The following GLYATL1 variants were observed in gnomAD, a reference collection of about 807,000 sequenced individuals.
The protein encoded by GLYATL1 is glycine-N-acyltransferase like 1.
In GLYATL1, 15 loss-of-function variants were observed where a neutral mutation model predicts 20.0. The ratio of observed to expected loss-of-function variants is 0.75; its 90% confidence interval spans 0.50 to 1.15. The LOEUF (loss-of-function observed/expected upper bound fraction) is 1.15, where lower values mean the gene tolerates loss of function less well. Among genes scored for constraint, GLYATL1 ranks in the 50% most tolerant of loss-of-function variants. GLYATL1 has a pLI of 0.00. For missense variants in GLYATL1, 380 were observed against 368.5 expected (o/e 1.03, Z -0.26); for synonymous variants, 151 against 131.5 (o/e 1.15, Z -1.01).
At chr11:58,919,685 C>T (rs1247440257) in intron 1 of GLYATL1, among the ~76,000 whole-genome samples, 1 of 152,138 alleles carries the variant, frequency 6.6e-6, no homozygotes, top group East Asian at 1.9e-4. Context: ...TGAAGCAGCT[C>T]ATTAAAATCC....
At chr11:58,923,345 T>G (rs1162227693), upstream of GLYATL1, among the ~76,000 whole-genome samples, 3 of 152,212 alleles carry the variant, frequency 2.0e-5, no homozygotes, top group Non-Finnish European at 4.4e-5. Context: ...GCTGCCTGCT[T>G]TTCTGAATGA....
chr11:58,920,585 A>G (rs924159016), intron 1 of GLYATL1, among the ~76,000 whole-genome samples: 1 of 152,174 alleles, frequency 6.6e-6, no homozygotes, highest in African/African-American at 2.4e-5. Flanking sequence ...TGGCTTGAGA[A>G]CACTTAATCT....
At chr11:58,912,955 C>G (rs1855086420), downstream of GLYATL1, among the ~76,000 whole-genome samples, 1 of 152,220 alleles carries the variant, frequency 6.6e-6, no homozygotes, top group Non-Finnish European at 1.5e-5. Context: ...GAGTGCTACT[C>G]TGGCTGGGGA....
chr11:58,936,523 G>A (rs959461292), upstream of GLYATL1, among the ~76,000 whole-genome samples: 1 of 152,240 alleles, frequency 6.6e-6, no homozygotes, highest in Non-Finnish European at 1.5e-5. Context: ...GATGAAGGAA[G>A]AAGGCAGGTG....
intron 6 of GLYATL1, 96 bp downstream of exon 6, chr11:58,955,449 A>G: frequency 2.2e-6 from 3 of 1,375,032 alleles, no homozygotes; most frequent in South Asian, 2.8e-5. Context: ...GGATGAATTC[A>G]TTCCTTGGGA....
intron 2 of GLYATL1, 98 bp from the exon 3 acceptor site, chr11:58,946,948 T>C: frequency 1.2e-6 from 1 of 847,414 alleles, no homozygotes; most frequent in Non-Finnish European, 2.1e-6. Context: ...ATACTAACAG[T>C]ACCTACATCA....
At chr11:58,929,788 C>T (rs181403329) in intron 1 of GLYATL1, among the ~76,000 whole-genome samples, 4 of 152,324 alleles carry the variant, frequency 2.6e-5, no homozygotes, top group African/African-American at 4.8e-5. Flanking sequence ...TCCTGCCCTT[C>T]GAAAGCTAAA....
upstream of GLYATL1, among the ~76,000 whole-genome samples, chr11:58,924,913 ATAGAGTG>A (rs1359285502): frequency 1.3e-5 from 2 of 152,246 alleles, no homozygotes; most frequent in Non-Finnish European, 2.9e-5. Context: ...GATGAGCTTA[ATAGAGTG>A]TAGCAGGTAT....
intron 4 of GLYATL1, among the ~76,000 whole-genome samples, 177 bp downstream of exon 4, chr11:58,948,142 G>T (rs1856714913): frequency 6.6e-6 from 1 of 152,180 alleles, no homozygotes; most frequent in African/African-American, 2.4e-5. Context: ...TTCGTGTAAA[G>T]CATAGGACCC....
At chr11:58,936,527 G>GCTT (rs1411642035), upstream of GLYATL1, among the ~76,000 whole-genome samples, 3 of 152,222 alleles carry the variant, frequency 2.0e-5, no homozygotes, top group African/African-American at 7.2e-5. Flanking sequence ...AAGGAAGAAG[G>GCTT]CAGGTGTCTT....
At chr11:58,947,302 G>T (rs1856641058) in intron 3 of GLYATL1, 137 bp downstream of exon 3, 10 of 1,211,978 alleles carry the variant, frequency 8.3e-6, no homozygotes, top group Non-Finnish European at 1.1e-5. Context: ...GGGGGCACAG[G>T]CTGCATATCA....
intron 1 of GLYATL1, among the ~76,000 whole-genome samples, chr11:58,916,821 T>A (rs373593183): frequency 1.3e-5 from 2 of 152,238 alleles, no homozygotes; most frequent in South Asian, 2.1e-4. Context: ...ATAGATTTAT[T>A]GATGTGAAAG....
chr11:58,938,762 G>A (rs566690984), upstream of GLYATL1, among the ~76,000 whole-genome samples: 23 of 152,270 alleles, frequency 1.5e-4, 1 homozygote, highest in East Asian at 3.9e-4. Context: ...AGTTCCAGCC[G>A]TATCCCTCTG....
At chr11:58,907,436 T>C (rs533948832) in exon 2 of GLYATL1, 4 of 453,178 alleles carry the variant, frequency 8.8e-6, no homozygotes, top group Admixed American at 4.7e-5. Flanking sequence ...GCATGATGTC[T>C]AGTTCCTTGC....
At chr11:58,943,324 C>T (rs1172915525) in intron 1 of GLYATL1, 13 of 1,550,688 alleles carry the variant, frequency 8.4e-6, no homozygotes, top group Non-Finnish European at 1.1e-5. Context: ...TCAAATAAGG[C>T]AAGCGCCCAG....
At chr11:58,929,004 T>C (rs1855506816) in intron 1 of GLYATL1, among the ~76,000 whole-genome samples, 2 of 152,204 alleles carry the variant, frequency 1.3e-5, no homozygotes, top group Non-Finnish European at 1.5e-5. Context: ...AATGGCTGCC[T>C]TCAGCCTGTT....
At chr11:58,917,469 G>A (rs1401118867) in intron 1 of GLYATL1, among the ~76,000 whole-genome samples, 1 of 152,206 alleles carries the variant, frequency 6.6e-6, no homozygotes, top group Non-Finnish European at 1.5e-5. Flanking sequence ...AAACGTAGTG[G>A]CATGCAAGCA....
intron 1 of GLYATL1, among the ~76,000 whole-genome samples, chr11:58,915,750 T>C (rs1159598495): frequency 6.6e-6 from 1 of 152,160 alleles, no homozygotes; most frequent in Admixed American, 6.5e-5. Flanking sequence ...AGATACTGAA[T>C]GTGAGAGGCC....
chr11:58,907,095 T>C (rs1943264), intron 1 of GLYATL1: 47,470 of 308,126 alleles, frequency 0.15, 4,150 homozygotes, highest in East Asian at 0.32. Context: ...TGGAGGAAAG[T>C]TACACCATAA....
Sources: allele counts gnomAD v4.1 joint callset (sites outside exome capture counted in the v4.1 genomes callset), GRCh38; gene constraint gnomAD v4.1.1; transcripts MANE v1.5; gene names NCBI Gene and HGNC (gene_info 2026-07-23, HGNC 2026-07-21).